PRKAG2: variants seen among roughly 807,000 people sequenced by gnomAD.
PRKAG2 encodes protein kinase AMP-activated non-catalytic subunit gamma 2, also known as 5'-AMP-activated protein kinase subunit gamma-2.
A neutral mutation model predicts 69.6 loss-of-function variants in PRKAG2; 26 were observed. The observed-to-expected ratio is 0.37, with a 90% CI of 0.27 to 0.52. The LOEUF is 0.52. Among genes scored for constraint, PRKAG2 ranks in the 20% least tolerant of loss-of-function variants. PRKAG2 has a pLI of 0.90. For synonymous variants in PRKAG2, 293 were observed against 285.0 expected (o/e 1.03, Z -0.28); for missense variants, 557 against 740.0 (o/e 0.75, Z 2.87).
In PRKAG2 at chr7:151,583,376, C is replaced by T. The variant is rs988850562; in HGVS notation, c.865-6924G>A. Among the ~76,000 whole-genome samples the T allele has an allele frequency of 4.6e-5, 7 of 152,168 alleles. No individual in the cohort carries two copies. Among genetic ancestry groups the T allele is most frequent in the African/African-American group, 1.7e-4 (7 of 41,432 alleles). ...CTGAGGAAGTCTCAATTCCATCCTTCAGAGATCTCATATAATATTCCAAAC... is the reference window on the plus strand; with the variant it reads ...CTGAGGAAGTCTCAATTCCATCCTTTAGAGATCTCATATAATATTCCAAAC... On this transcript the variant is annotated intron_variant, in intron 6 of 15. Coordinates refer to ENST00000287878, the MANE Select transcript of PRKAG2 (RefSeq NM_016203.4). This position sits in a 1 kb window ranked among gnomAD's most constrained non-coding sequence, Gnocchi z 4.1.
At chr7:151,875,751 T>C (rs1407604707) in intron 1 of PRKAG2, among the ~76,000 whole-genome samples, 1 of 151,868 alleles carries the variant, frequency 6.6e-6, no homozygotes, top group Non-Finnish European at 1.5e-5. Context: ...AGAGAACCAC[T>C]ACGCGGCCCG....
intron 4 of PRKAG2, among the ~76,000 whole-genome samples, chr7:151,668,766 G>C (rs1582300): frequency 6.6e-6 from 1 of 152,196 alleles, no homozygotes; most frequent in Non-Finnish European, 1.5e-5. Flanking sequence ...TCTTTGCTCA[G>C]CTTCTTCTTC....
At chr7:151,659,603 C>CAGTTA (rs1226409249) in intron 4 of PRKAG2, among the ~76,000 whole-genome samples, 1 of 152,192 alleles carries the variant, frequency 6.6e-6, no homozygotes, top group Non-Finnish European at 1.5e-5. Context: ...ATGCAATATA[C>CAGTTA]AGTTAATGCC....
chr7:151,718,081 T>G (rs921721404), intron 3 of PRKAG2, among the ~76,000 whole-genome samples: 1 of 152,154 alleles, frequency 6.6e-6, no homozygotes, highest in African/African-American at 2.4e-5. Context: ...GGTCCTGCCT[T>G]CCAGAGCAGA....
At position 151,836,595 on chromosome 7, in the gene PRKAG2, T is replaced by C. The variant is rs1457811306; in HGVS notation, c.114+39912A>G. ...GTGTGAATTCCCCTCCGATGGGGTG[T>C]GGAGGCTGGGGTAGTCTCTAGGCTG... On this transcript the variant is annotated intron_variant, in intron 1 of 15. Coordinates refer to ENST00000287878, the MANE Select transcript of PRKAG2 (RefSeq NM_016203.4). The surrounding 1 kb of genome is among the most constrained non-coding windows in gnomAD (Gnocchi z 4.1). Among the ~76,000 whole-genome samples the C allele has an allele frequency of 2.6e-5, 4 of 152,164 alleles. No homozygotes were observed. Among genetic ancestry groups the C allele is most frequent in the Admixed American group, 2.6e-4 (4 of 15,268 alleles).
intron 1 of PRKAG2, among the ~76,000 whole-genome samples, chr7:151,844,354 C>T (rs1376749200): frequency 1.3e-5 from 2 of 152,122 alleles, no homozygotes; most frequent in Non-Finnish European, 2.9e-5. Context: ...TCCGCGAAGT[C>T]GTGTGGGCTG....
chr7:151,640,457 G>C (rs1335539204), intron 4 of PRKAG2, among the ~76,000 whole-genome samples: 6 of 152,138 alleles, frequency 3.9e-5, no homozygotes, highest in African/African-American at 1.4e-4. Context: ...ATGTCCCTCT[G>C]TGTACCCCAC....
At chr7:151,812,333 G>C (rs141495369) in intron 1 of PRKAG2, among the ~76,000 whole-genome samples, 1 of 152,342 alleles carries the variant, frequency 6.6e-6, no homozygotes, top group Non-Finnish European at 1.5e-5. Flanking sequence ...AGACTGGTCT[G>C]TGGGGCATCT....
intron 3 of PRKAG2, among the ~76,000 whole-genome samples, chr7:151,698,587 T>C (rs780246739): frequency 5.3e-5 from 8 of 152,114 alleles, no homozygotes; most frequent in Non-Finnish European, 1.0e-4. Context: ...CCTCTCACCA[T>C]GTGACACCTC....
intron 5 of PRKAG2, among the ~76,000 whole-genome samples, chr7:151,623,630 T>A (rs1344055427): frequency 1.3e-5 from 2 of 152,178 alleles, no homozygotes; most frequent in African/African-American, 4.8e-5. Context: ...AATCCACATA[T>A]AATCCTCCTG....
At position 151,565,194 on chromosome 7, in the gene PRKAG2, T is replaced by C. The variant is rs1175783411; in HGVS notation, c.1437+152A>G. ...CAATGCAGATTAAAAGTACAATTAC[T>C]ATAGAAGGTCTATAAAATTCTGATA... On this transcript the variant is annotated intron_variant, in intron 13 of 15. Transcript: ENST00000287878. The C allele has an allele frequency of 7.0e-6, 4 of 572,490 alleles. No homozygotes were observed. The East Asian group carries it at 1.6e-4, about 22-fold the overall frequency. 35.5% of individuals were successfully genotyped at this position (572,490 alleles called of 1,614,324 possible).
chr7:151,588,881 T>A (rs914564179), intron 6 of PRKAG2, among the ~76,000 whole-genome samples: 7 of 152,214 alleles, frequency 4.6e-5, no homozygotes, highest in Admixed American at 2.6e-4. Flanking sequence ...CACTAACTGA[T>A]ACCTATCTTT....
At chr7:151,746,136 A>G (rs1172129054) in intron 3 of PRKAG2, among the ~76,000 whole-genome samples, 1 of 152,248 alleles carries the variant, frequency 6.6e-6, no homozygotes, top group Non-Finnish European at 1.5e-5. Flanking sequence ...GCCTTGGAGA[A>G]GGACCCGGTT....
At chr7:151,723,374 C>T (rs1194674885) in intron 3 of PRKAG2, among the ~76,000 whole-genome samples, 6 of 152,280 alleles carry the variant, frequency 3.9e-5, no homozygotes, top group South Asian at 2.1e-4. Flanking sequence ...ATGACGCATT[C>T]GAGCTAGACT....
At chr7:151,557,511 T>C in intron 15 of PRKAG2, 5 of 984,378 alleles carry the variant, frequency 5.1e-6, no homozygotes, top group Non-Finnish European at 6.0e-6. Context: ...TACTAAGAAA[T>C]ATGTAGGTAT....
chr7:151,588,076 G>A (rs779588290), intron 6 of PRKAG2, among the ~76,000 whole-genome samples: 4 of 152,030 alleles, frequency 2.6e-5, no homozygotes, highest in Non-Finnish European at 5.9e-5. Flanking sequence ...TTGCCACTGT[G>A]AGGAAAAGCC....
At chr7:151,580,204 G>T (rs561027384) in intron 6 of PRKAG2, among the ~76,000 whole-genome samples, 1 of 152,040 alleles carries the variant, frequency 6.6e-6, no homozygotes, top group Non-Finnish European at 1.5e-5. Context: ...AAAATTAGTC[G>T]GGTGTGGTGG....
rs572923099 is a variant in PRKAG2 at position 151,789,033 on chromosome 7, A to C, written c.115-2492T>G. Among the ~76,000 whole-genome samples, 3 of 152,210 alleles carry C rather than the reference A, an allele frequency of 2.0e-5. No homozygotes were observed. The East Asian group carries it at 5.8e-4, about 29-fold the overall frequency. ...TGTCTGTATTTTATGGTAGTATTAC[A>C]CTGTTTTGATTATTGTGGCCTTATA... On this transcript the variant is annotated intron_variant, in intron 1 of 15. Coordinates refer to ENST00000287878, the MANE Select transcript of PRKAG2 (RefSeq NM_016203.4).
chr7:151,632,528 AGGCCCGCGGCCCGCCCCCACTCC>A lies in PRKAG2; in HGVS notation c.685-413_685-391del. 1 of 961,884 alleles carries A rather than the reference AGGCCCGCGGCCCGCCCCCACTCC, an allele frequency of 1.0e-6. No individual in the cohort carries two copies. The highest frequency in any genetic ancestry group is 1.2e-6 in the Non-Finnish European group (1 of 809,620). The allele number at this position is 961,884 out of a possible 1,614,324, so 59.6% of individuals were successfully genotyped here. ...CTCCCCGCCGTGCCGCCATTGGGAG[AGGCCCGCGGCCCGCCCCCACTCC>A]GCCCCCCGGCGCCGCTCACCTTCCC... On this transcript the variant is annotated intron_variant, in intron 4 of 15. Coordinates refer to ENST00000287878, the MANE Select transcript of PRKAG2 (RefSeq NM_016203.4). This position sits in a 1 kb window ranked among gnomAD's most constrained non-coding sequence, Gnocchi z 4.2.
Sources: gnomAD v4.1 joint callset for allele counts (sites outside exome capture counted in the v4.1 genomes callset) on GRCh38, gnomAD v4.1.1 for gene constraint, Gnocchi (gnomAD v3.1) non-coding constraint, MANE v1.5 for transcripts, NCBI Gene and HGNC (gene_info 2026-07-23, HGNC 2026-07-21) for gene names.